Variants in SMOC2 observed in about 807,000 individuals in gnomAD.
SMOC2 encodes SPARC related modular calcium binding 2.
Under a neutral mutation model 61.4 loss-of-function variants are expected in SMOC2, and 39 were observed. The observed-to-expected ratio is 0.64, with a 90% CI of 0.49 to 0.83. SMOC2 has a LOEUF of 0.83. Ranked by LOEUF, SMOC2 falls within the 40% of genes least tolerant of loss-of-function variation. SMOC2 has a pLI of 0.00. For missense variants in SMOC2, 556 were observed against 592.9 expected, an observed-to-expected ratio of 0.94 and a Z score of 0.65; for synonymous variants, 247 against 239.9, an observed-to-expected ratio of 1.03 and a Z score of -0.27.
chr6:168,534,338 A>C (rs1783684687), intron 4 of SMOC2, among the ~76,000 whole-genome samples: 1 of 152,236 alleles, frequency 6.6e-6, no homozygotes, highest in Non-Finnish European at 1.5e-5. Context: ...AAAACATAAT[A>C]ATAAATAAAA....
intron 9 of SMOC2, among the ~76,000 whole-genome samples, chr6:168,646,323 C>T (rs559996993): frequency 1.3e-4 from 20 of 152,300 alleles, no homozygotes; most frequent in South Asian, 2.1e-4. Context: ...GGTCTCTTCT[C>T]TTGATCGGTG....
intron 9 of SMOC2, among the ~76,000 whole-genome samples, chr6:168,634,476 GA>G (rs1394837288): frequency 1.3e-5 from 2 of 152,298 alleles, no homozygotes; most frequent in East Asian, 3.9e-4. Context: ...TAGGTCTCAG[GA>G]TCCTACCACT....
At chr6:168,625,900 G>A (rs983225206) in intron 9 of SMOC2, among the ~76,000 whole-genome samples, 5 of 152,246 alleles carry the variant, frequency 3.3e-5, no homozygotes, top group Admixed American at 6.5e-5. Context: ...CCTCGGAGGA[G>A]GAAGCGAATT....
intron 3 of SMOC2, 80 bp downstream of exon 3, chr6:168,526,532 T>TA: frequency 1.7e-6 from 2 of 1,176,040 alleles, no homozygotes; most frequent in Non-Finnish European, 2.5e-6. Context: ...AGAAGGCAGG[T>TA]GGGGGGAGCC....
At chr6:168,487,087 C>G (rs1782354946) in intron 1 of SMOC2, among the ~76,000 whole-genome samples, 1 of 152,200 alleles carries the variant, frequency 6.6e-6, no homozygotes, top group African/African-American at 2.4e-5. Context: ...CCAGCCTCTC[C>G]TCTGCCCTGT....
chr6:168,443,996 A>G (rs1781275874), intron 1 of SMOC2, among the ~76,000 whole-genome samples: 1 of 152,214 alleles, frequency 6.6e-6, no homozygotes, highest in Non-Finnish European at 1.5e-5. Context: ...TCCAGCTAAC[A>G]TTGTTTTGAT....
intron 9 of SMOC2, among the ~76,000 whole-genome samples, chr6:168,636,131 G>A (rs1297274988): frequency 6.6e-6 from 1 of 152,192 alleles, no homozygotes; most frequent in East Asian, 1.9e-4. Context: ...GCTGTCTCCT[G>A]CAAAGACTTC....
chr6:168,659,197 G>A (rs1183597271), intron 11 of SMOC2, among the ~76,000 whole-genome samples: 2 of 152,058 alleles, frequency 1.3e-5, no homozygotes, highest in Non-Finnish European at 2.9e-5. Context: ...AAAACATAAT[G>A]TATTGATAAG....
At chr6:168,491,921 T>C (rs1469312470) in intron 1 of SMOC2, among the ~76,000 whole-genome samples, 4 of 152,220 alleles carry the variant, frequency 2.6e-5, no homozygotes, top group Admixed American at 2.0e-4. Context: ...CGAAATATTA[T>C]TTTTAACCAT....
intron 9 of SMOC2, among the ~76,000 whole-genome samples, chr6:168,615,944 T>C (rs937558819): frequency 1.3e-5 from 2 of 152,224 alleles, no homozygotes; most frequent in Non-Finnish European, 2.9e-5. Flanking sequence ...AACCTTACCT[T>C]GCCCTAAGTG....
intron 1 of SMOC2, among the ~76,000 whole-genome samples, chr6:168,492,295 A>G (rs776761151): frequency 5.9e-5 from 9 of 152,228 alleles, no homozygotes; most frequent in African/African-American, 7.2e-5. Context: ...ACACACATGC[A>G]TGATGCTCAT....
chr6:168,665,130 T>A (rs2115296640), intron 12 of SMOC2: 1 of 235,846 alleles, frequency 4.2e-6, no homozygotes, highest in African/African-American at 2.3e-5. Context: ...TTACCCTCCC[T>A]GAGTGCCAAG....
At chr6:168,559,826 T>G (rs943283632) in intron 7 of SMOC2, among the ~76,000 whole-genome samples, 13 of 152,230 alleles carry the variant, frequency 8.5e-5, no homozygotes, top group African/African-American at 3.1e-4. Flanking sequence ...TCCTCCTTTG[T>G]GAAAGGACAA....
intron 1 of SMOC2, among the ~76,000 whole-genome samples, chr6:168,448,349 GGGA>G (rs774453331): frequency 2.0e-5 from 3 of 151,828 alleles, no homozygotes; most frequent in South Asian, 4.2e-4. Context: ...GATGGCGCTG[GGGA>G]GGAGGATGGA....
chr6:168,459,580 ATGAGCCCTG>A (rs1781670124), intron 1 of SMOC2, among the ~76,000 whole-genome samples: 1 of 37,634 alleles, frequency 2.7e-5, no homozygotes. Context: ...CCTGGGGTGG[ATGAGCCCTG>A]GGGTGGGTGA....
chr6:168,445,277 C>G (rs1037243127), intron 1 of SMOC2, among the ~76,000 whole-genome samples: 9 of 152,204 alleles, frequency 5.9e-5, no homozygotes, highest in Non-Finnish European at 1.3e-4. Flanking sequence ...AGTTGACTTT[C>G]ATCCTGAATC....
At chr6:168,595,570 G>A (rs952619750) in intron 7 of SMOC2, among the ~76,000 whole-genome samples, 1 of 152,178 alleles carries the variant, frequency 6.6e-6, no homozygotes, top group African/African-American at 2.4e-5. Flanking sequence ...TCATCAGTTT[G>A]TTTAAAGATC....
At chr6:168,468,624 T>A (rs1029296652) in intron 1 of SMOC2, among the ~76,000 whole-genome samples, 1 of 152,168 alleles carries the variant, frequency 6.6e-6, no homozygotes, top group Non-Finnish European at 1.5e-5. Flanking sequence ...AACCTCCACC[T>A]CCCGGGTTCA....
At chr6:168,645,936 CAAT>C (rs939838860) in intron 9 of SMOC2, among the ~76,000 whole-genome samples, 8 of 152,202 alleles carry the variant, frequency 5.3e-5, no homozygotes, top group African/African-American at 1.4e-4. Context: ...GATACATAGA[CAAT>C]GATGATGGCG....
Sources: allele counts gnomAD v4.1 joint callset (sites outside exome capture counted in the v4.1 genomes callset), GRCh38; gene constraint gnomAD v4.1.1; transcripts MANE v1.5; gene names NCBI Gene and HGNC (gene_info 2026-07-23, HGNC 2026-07-21).